Variants in ATP9A observed in about 807,000 individuals in gnomAD.
ATP9A encodes ATPase phospholipid transporting 9A.
A neutral mutation model predicts 144.1 loss-of-function variants in ATP9A; 52 were observed. The ratio of observed to expected loss-of-function variants is 0.36; its 90% CI spans 0.29 to 0.45. The LOEUF (loss-of-function observed/expected upper bound fraction) is 0.45, where lower values mean the gene tolerates loss of function less well. Ranked by LOEUF, ATP9A falls within the 20% of genes least tolerant of loss-of-function variation. ATP9A has a pLI of 1.00. For synonymous variants in ATP9A, 582 were observed against 557.4 expected (o/e 1.04, Z -0.62); for missense variants, 947 against 1,392.7 (o/e 0.68, Z 5.09).
rs745890913 is a variant in ATP9A, at chr20:51,671,097, T to C, written c.1180+18A>G. On this transcript the variant is annotated intron_variant, in intron 12 of 27. Coordinates refer to ENST00000338821, the MANE Select transcript of ATP9A (RefSeq NM_006045.3). ...TCTCTCACCAGGAATCCTGCGCAGG[T>C]CCCAGAAAGCAGCTCACCTGTCTTG... 1.2e-6 allele frequency: 2 copies of C among 1,608,848 alleles called. No homozygotes were observed. The highest frequency in any genetic ancestry group is 1.3e-5 in the African/African-American group (1 of 74,904).
intron 4 of ATP9A, among the ~76,000 whole-genome samples, chr20:51,697,828 C>T (rs2077577144): frequency 6.6e-6 from 1 of 151,976 alleles, no homozygotes; most frequent in Non-Finnish European, 1.5e-5. Context: ...ATGCAAAGTA[C>T]CGGGGGAAAA....
chr20:51,620,736 G>A (rs534797766), intron 19 of ATP9A, among the ~76,000 whole-genome samples: 1 of 152,076 alleles, frequency 6.6e-6, no homozygotes, highest in Non-Finnish European at 1.5e-5. Context: ...GCAAAAAACC[G>A]GATACTCGAT....
intron 3 of ATP9A, among the ~76,000 whole-genome samples, chr20:51,716,610 T>A (rs2077663026): frequency 6.6e-6 from 1 of 151,978 alleles, no homozygotes; most frequent in African/African-American, 2.4e-5. Flanking sequence ...AAGCAGAGAT[T>A]GAGCCACTAC....
At chr20:51,672,764 T>C (rs1302206457) in intron 11 of ATP9A, among the ~76,000 whole-genome samples, 1 of 152,110 alleles carries the variant, frequency 6.6e-6, no homozygotes, top group African/African-American at 2.4e-5. Flanking sequence ...GGGGAAAAAG[T>C]AGAAGCAAAC....
intron 1 of ATP9A, among the ~76,000 whole-genome samples, chr20:51,735,769 C>A (rs1243389333): frequency 6.6e-6 from 1 of 152,234 alleles, no homozygotes; most frequent in Non-Finnish European, 1.5e-5. Context: ...ATTTGACTTT[C>A]AAGTCAATAG....
chr20:51,611,501 G>C lies in ATP9A; in HGVS notation c.2572-1336C>G, dbSNP rs773793707. On this transcript the variant is annotated intron_variant, in intron 23 of 27. Coordinates refer to ENST00000338821, the MANE Select transcript of ATP9A (RefSeq NM_006045.3). This position sits in a 1 kb window ranked among gnomAD's most constrained non-coding sequence, Gnocchi z 4.2. ...GCACTTTGGGAAAAATAAAAACACTGTGTTCTCTGACAGACTCATGTCCCG... is the reference window on the plus strand; with the variant it reads ...GCACTTTGGGAAAAATAAAAACACTCTGTTCTCTGACAGACTCATGTCCCG... Among the ~76,000 whole-genome samples, 1 of 152,206 alleles carries C rather than the reference G, an allele frequency of 6.6e-6. No individual in the cohort carries two copies. Among genetic ancestry groups the C allele is most frequent in the Non-Finnish European group, 1.5e-5 (1 of 68,044 alleles).
intron 1 of ATP9A, among the ~76,000 whole-genome samples, chr20:51,742,231 C>T (rs141528426): frequency 6.6e-6 from 1 of 150,756 alleles, no homozygotes; most frequent in African/African-American, 2.4e-5. Context: ...GGGCTAAGGA[C>T]GAAGGATTGC....
At chr20:51,687,476 AAC>A (rs2077528149) in intron 9 of ATP9A, among the ~76,000 whole-genome samples, 1 of 152,202 alleles carries the variant, frequency 6.6e-6, no homozygotes, top group East Asian at 1.9e-4. Context: ...ACTAGAGAGC[AAC>A]AAAGAAGGAA....
chr20:51,674,404 G>T, intron 10 of ATP9A, 91 bp from the exon 11 acceptor site: 1 of 1,335,096 alleles, frequency 7.5e-7, no homozygotes, highest in Non-Finnish European at 1.0e-6. Context: ...AGTGAGCTGA[G>T]CCTCACTGCA....
intron 14 of ATP9A, among the ~76,000 whole-genome samples, chr20:51,644,087 A>G (rs1052346918): frequency 2.0e-5 from 3 of 152,030 alleles, no homozygotes; most frequent in African/African-American, 7.2e-5. Flanking sequence ...GTGAGCTGGG[A>G]TGGCGCCATT....
chr20:51,604,382 T>C (rs960832225), intron 27 of ATP9A, among the ~76,000 whole-genome samples: 5 of 152,132 alleles, frequency 3.3e-5, no homozygotes, highest in Non-Finnish European at 5.9e-5. Flanking sequence ...AGGAGCTCTA[T>C]CAGGACACAG....
chr20:51,630,167 CCCT>C, intron 15 of ATP9A, among the ~76,000 whole-genome samples: 1 of 152,222 alleles, frequency 6.6e-6, no homozygotes, highest in Non-Finnish European at 1.5e-5. Context: ...ACTCCTCCAG[CCCT>C]AAAAGTCAAC....
intron 3 of ATP9A, among the ~76,000 whole-genome samples, chr20:51,719,693 A>G (rs562041197): frequency 6.7e-6 from 1 of 148,206 alleles, no homozygotes; most frequent in African/African-American, 2.5e-5. Context: ...AGATCGCACC[A>G]CTGCACTCCA....
chr20:51,753,736 G>C (rs1000547761), intron 1 of ATP9A, among the ~76,000 whole-genome samples: 1 of 147,964 alleles, frequency 6.8e-6, no homozygotes, highest in Non-Finnish European at 1.5e-5. Flanking sequence ...GCACGATCTC[G>C]ACTCACTGCA....
At chr20:51,606,007 C>T (rs1026884030) in intron 26 of ATP9A, among the ~76,000 whole-genome samples, 8 of 152,044 alleles carry the variant, frequency 5.3e-5, no homozygotes, top group South Asian at 2.1e-4. Flanking sequence ...CGGTGGCTTA[C>T]GCCTGTAATC....
At chr20:51,704,673 G>A (rs367980483) in intron 4 of ATP9A, among the ~76,000 whole-genome samples, 8 of 152,132 alleles carry the variant, frequency 5.3e-5, no homozygotes, top group Admixed American at 2.0e-4. Context: ...CCAGCTACTC[G>A]GGAGGCTGAG....
intron 27 of ATP9A, 141 bp downstream of exon 27, chr20:51,604,676 T>C (rs2077156227): frequency 1.4e-6 from 1 of 697,112 alleles, no homozygotes; most frequent in Admixed American, 4.0e-5. Context: ...TAAGAAAACG[T>C]GGACAGCTGA....
chr20:51,709,216 T>A (rs1426238093), intron 4 of ATP9A, among the ~76,000 whole-genome samples: 4 of 151,858 alleles, frequency 2.6e-5, no homozygotes, highest in Admixed American at 2.6e-4. Flanking sequence ...GAAACAAAAG[T>A]ATTAAAAAGC....
Position 51,618,674 on chromosome 20 carries a change from T to C in ATP9A, c.2338A>G (p.Thr780Ala), listed in dbSNP as rs755673645. 17 of 1,611,870 alleles carry C rather than the reference T, an allele frequency of 1.1e-5. No homozygotes were observed. The highest frequency in any genetic ancestry group is 8.5e-7 in the Non-Finnish European group (1 of 1,179,824). ...RLLQERTGKL[T>A]CAVGDGGNDV... ...GAGCCTCGCCTACCTACTGCACAGGTGAGCTTGCCCGTGCGCTCCTGAAGC... is the reference window on the plus strand; with the variant it reads ...GAGCCTCGCCTACCTACTGCACAGGCGAGCTTGCCCGTGCGCTCCTGAAGC... Residue 780 changes from threonine to alanine, a missense_variant, in exon 21 of 28, where the codon ACC becomes GCC. By Grantham distance (58) the Thr-to-Ala change is moderately conservative (BLOSUM62 0). This residue lies in a region of ATP9A where 177 missense variants were observed against 344.9 expected (regional missense o/e 0.51). Coordinates refer to ENST00000338821, the MANE Select transcript of ATP9A (RefSeq NM_006045.3).
Sources: gnomAD v4.1 joint callset for allele counts (sites outside exome capture counted in the v4.1 genomes callset) on GRCh38, gnomAD v4.1.1 for gene constraint, gnomAD v4.1.1 regional missense constraint, Gnocchi (gnomAD v3.1) non-coding constraint, MANE v1.5 for transcripts, NCBI Gene and HGNC (gene_info 2026-07-23, HGNC 2026-07-21) for gene names.